The following AFAP1 variants were observed in gnomAD, a reference collection of about 807,000 sequenced individuals.
AFAP1 encodes the protein actin filament-associated protein 1.
AFAP1 carries 75 observed loss-of-function variants against 93.9 expected under a neutral mutation model. The ratio of observed to expected loss-of-function variants is 0.80; its 90% CI spans 0.66 to 0.97. AFAP1 has a LOEUF of 0.97. AFAP1 is among the 50% of genes least tolerant of loss of function. The pLI is 0.00. For missense variants in AFAP1, 1,201 were observed against 1,050.8 expected, an observed-to-expected ratio of 1.14 and a Z score of -1.98; for synonymous variants, 517 against 430.7, an observed-to-expected ratio of 1.20 and a Z score of -2.48.
At chr4:7,801,599 A>G (rs1340387196) in intron 9 of AFAP1, among the ~76,000 whole-genome samples, 1 of 152,106 alleles carries the variant, frequency 6.6e-6, no homozygotes, top group Non-Finnish European at 1.5e-5. Flanking sequence ...TTCCTTTAAG[A>G]TTTAGAAAGC....
At chr4:7,891,374 T>A (rs1354994570) in intron 1 of AFAP1, among the ~76,000 whole-genome samples, 1 of 151,800 alleles carries the variant, frequency 6.6e-6, no homozygotes, top group African/African-American at 2.4e-5. Context: ...ACATCCGAGG[T>A]AGAGAACCAA....
chr4:7,795,870 A>G (rs10031989), intron 10 of AFAP1, among the ~76,000 whole-genome samples: 22,564 of 152,144 alleles, frequency 0.15, 1,721 homozygotes, highest in Middle Eastern at 0.19. Context: ...TTCACAGTTC[A>G]TTGTATGAAA....
intron 6 of AFAP1, among the ~76,000 whole-genome samples, chr4:7,833,440 C>T (rs868722617): frequency 1.4e-4 from 21 of 152,082 alleles, no homozygotes; most frequent in Admixed American, 1.4e-3. Context: ...AAATCAAAAC[C>T]ACAATGTGAT....
At chr4:7,804,888 A>T (rs1193327406) in intron 9 of AFAP1, among the ~76,000 whole-genome samples, 5 of 152,198 alleles carry the variant, frequency 3.3e-5, no homozygotes, top group African/African-American at 7.2e-5. Context: ...CAGCTTTCGG[A>T]GAAACCAAAT....
At chr4:7,913,925 C>T (rs1360914863) in intron 1 of AFAP1, among the ~76,000 whole-genome samples, 1 of 152,158 alleles carries the variant, frequency 6.6e-6, no homozygotes, top group East Asian at 1.9e-4. Context: ...GTAAGGGGTA[C>T]ATACAGTGAT....
Position 7,855,687 on chromosome 4 carries a change from C to T in AFAP1, c.226-113G>A, listed in dbSNP as rs144500691. The T allele has an allele frequency of 6.0e-4, 518 of 868,640 alleles. No individual in the cohort carries two copies. In the African/African-American group the frequency reaches 7.0e-3, roughly 12 times the overall value. 53.8% of individuals were successfully genotyped at this position (868,640 alleles called of 1,614,324 possible). A position where few individuals can be genotyped will look rare whatever the true frequency, so the allele number is the denominator to read the frequency against. On this transcript the variant is annotated intron_variant, in intron 3 of 17. Transcript: ENST00000420658. ...TTTCCTCTTTCCTTTGTAAAGTCTT[C>T]GGCAAAAGAGAACCTCATCCTACGA...
intron 1 of AFAP1, among the ~76,000 whole-genome samples, chr4:7,924,667 A>G (rs1720626735): frequency 6.6e-6 from 1 of 152,156 alleles, no homozygotes; most frequent in African/African-American, 2.4e-5. Flanking sequence ...CAAACAGACC[A>G]TGCCTGACCA....
Position 7,919,354 on chromosome 4 carries a change from G to A in AFAP1, c.-3+20302C>T, listed in dbSNP as rs980060880. 7.4e-4 allele frequency among the ~76,000 whole-genome samples: 112 copies of A among 152,342 alleles called. 1 individual carries two copies. Among genetic ancestry groups the A allele is most frequent in the African/African-American group, 2.5e-3 (105 of 41,566 alleles). ...CTTCAGTCAGCGTCTGTACACTTCAGGTAGAAATGTAAAATGTCTGTGTTT... is the reference window on the plus strand; with the variant it reads ...CTTCAGTCAGCGTCTGTACACTTCAAGTAGAAATGTAAAATGTCTGTGTTT... On this transcript the variant is annotated intron_variant, in intron 1 of 17. Transcript: ENST00000420658.
chr4:7,848,168 A>T (rs1577290091), intron 4 of AFAP1, among the ~76,000 whole-genome samples: 1 of 19,520 alleles, frequency 5.1e-5, no homozygotes, highest in Non-Finnish European at 1.5e-4. Context: ...GGTAAGTGGG[A>T]GGGAGGGAGG....
chr4:7,824,347 C>T (rs1037135827), intron 6 of AFAP1, among the ~76,000 whole-genome samples: 1 of 152,136 alleles, frequency 6.6e-6, no homozygotes, highest in South Asian at 2.1e-4. Flanking sequence ...GGAAATCTGA[C>T]CACTCCGTTT....
intron 4 of AFAP1, among the ~76,000 whole-genome samples, chr4:7,853,390 A>T (rs978123202): frequency 6.6e-6 from 1 of 152,078 alleles, no homozygotes; most frequent in Non-Finnish European, 1.5e-5. Context: ...GGCAGAGGGG[A>T]GCAGTGGCCC....
chr4:7,856,883 G>A (rs1040462128), intron 3 of AFAP1, among the ~76,000 whole-genome samples: 3 of 152,140 alleles, frequency 2.0e-5, no homozygotes, highest in Non-Finnish European at 2.9e-5. Context: ...CCACATGAAC[G>A]TCAATCAATC....
At chr4:7,830,986 G>A (rs906098654) in intron 6 of AFAP1, among the ~76,000 whole-genome samples, 1 of 152,042 alleles carries the variant, frequency 6.6e-6, no homozygotes, top group South Asian at 2.1e-4. Context: ...AATAGGGGAG[G>A]CATGTTTCAA....
rs989433529 is a variant in AFAP1 at position 7,761,321 on chromosome 4, G to A, written c.*2444C>T. 6.6e-6 allele frequency: 1 copy of A among 152,212 alleles called. No individual in the cohort carries two copies. The highest frequency in any genetic ancestry group is 2.4e-5 in the African/African-American group (1 of 41,452). The allele number at this position is 152,212 out of a possible 1,614,324, so 9.4% of individuals were successfully genotyped here. ...GGCTCCATGGACCACGATGGGGTTTGTTAACGTTTGCCTCCGCTTTAAAAG... is the reference window on the plus strand; with the variant it reads ...GGCTCCATGGACCACGATGGGGTTTATTAACGTTTGCCTCCGCTTTAAAAG... On this transcript the variant is annotated 3_prime_UTR_variant, in exon 18 of 18. Transcript: ENST00000420658.
intron 6 of AFAP1, among the ~76,000 whole-genome samples, chr4:7,831,734 C>T (rs1018935789): frequency 1.3e-5 from 2 of 152,122 alleles, no homozygotes; most frequent in Non-Finnish European, 2.9e-5. Flanking sequence ...AATTTCAGAG[C>T]GGCCTTTTTT....
At chr4:7,903,963 C>A in intron 1 of AFAP1, among the ~76,000 whole-genome samples, 1 of 141,126 alleles carries the variant, frequency 7.1e-6, no homozygotes, top group South Asian at 2.2e-4. Flanking sequence ...TTTTTTTTTT[C>A]CAGAGAGTTT....
chr4:7,842,301 C>A (rs957626878), intron 5 of AFAP1, among the ~76,000 whole-genome samples: 800 of 94,522 alleles, frequency 8.5e-3, no homozygotes, highest in Non-Finnish European at 0.011. Flanking sequence ...CCTGGATTTA[C>A]AAAAAAAAAA....
chr4:7,867,920 C>T (rs1045562055), intron 3 of AFAP1, among the ~76,000 whole-genome samples: 3 of 152,108 alleles, frequency 2.0e-5, no homozygotes, highest in African/African-American at 7.2e-5. Flanking sequence ...GCAGAGAGAT[C>T]ATCAGATGAT....
At chr4:7,921,561 G>C (rs1444945249) in intron 1 of AFAP1, among the ~76,000 whole-genome samples, 3 of 152,086 alleles carry the variant, frequency 2.0e-5, no homozygotes, top group Non-Finnish European at 2.9e-5. Context: ...AATAGAAATA[G>C]GCGCCCTTAC....
Sources: allele counts gnomAD v4.1 joint callset (sites outside exome capture counted in the v4.1 genomes callset), GRCh38; gene constraint gnomAD v4.1.1; transcripts MANE v1.5; gene names NCBI Gene and HGNC (gene_info 2026-07-23, HGNC 2026-07-21).